Variants in TFEC observed in about 807,000 individuals in gnomAD.
TFEC encodes transcription factor EC.
A neutral mutation model predicts 41.6 loss-of-function variants in TFEC; 31 were observed. The ratio of observed to expected loss-of-function variants is 0.74; its 90% CI spans 0.56 to 1.01. The LOEUF (loss-of-function observed/expected upper bound fraction) is 1.01, where lower values mean the gene tolerates loss of function less well. Among genes scored for constraint, TFEC ranks in the 50% least tolerant of loss-of-function variants. The pLI, the probability that TFEC is intolerant of heterozygous loss-of-function variation, is 0.00. For missense variants in TFEC, 402 were observed against 404.1 expected (o/e 0.99, Z 0.04); for synonymous variants, 143 against 140.6 (o/e 1.02, Z -0.12).
intron 3 of TFEC, among the ~76,000 whole-genome samples, chr7:116,094,875 A>G (rs1019853892): frequency 1.3e-5 from 2 of 152,214 alleles, no homozygotes; most frequent in Non-Finnish European, 2.9e-5. Context: ...CAGCACAGGT[A>G]ACCTTTATGC....
intron 3 of TFEC, chr7:116,110,623 G>A (rs1388042224): frequency 5.1e-6 from 5 of 989,516 alleles, no homozygotes; most frequent in Middle Eastern, 2.4e-4. Flanking sequence ...TCAATTTTTT[G>A]AGTACAATTA....
chr7:115,942,144 T>C, intron 6 of TFEC, 104 bp from the exon 7 acceptor site: 1 of 1,197,582 alleles, frequency 8.4e-7, no homozygotes. Flanking sequence ...TTTACATGAC[T>C]ATTATTCACT....
chr7:116,041,512 T>C (rs547442846), intron 3 of TFEC, among the ~76,000 whole-genome samples: 9 of 152,036 alleles, frequency 5.9e-5, no homozygotes, highest in South Asian at 2.1e-4. Context: ...GGTTAGAAAA[T>C]TGGAAAAGTT....
At chr7:115,943,863 T>C (rs1793636874) in intron 6 of TFEC, among the ~76,000 whole-genome samples, 1 of 151,262 alleles carries the variant, frequency 6.6e-6, no homozygotes, top group Non-Finnish European at 1.5e-5. Flanking sequence ...TACAAATGTA[T>C]AAATTGGAGT....
At chr7:115,983,624 C>T (rs903882740) in intron 2 of TFEC, among the ~76,000 whole-genome samples, 4 of 152,086 alleles carry the variant, frequency 2.6e-5, no homozygotes, top group South Asian at 2.1e-4. Context: ...CAGTTCTATT[C>T]ATACTTCAAC....
chr7:116,024,462 T>C (rs905248810), intron 1 of TFEC, among the ~76,000 whole-genome samples: 4 of 152,144 alleles, frequency 2.6e-5, no homozygotes, highest in South Asian at 4.1e-4. Context: ...CCTTGGGAAA[T>C]TTACCTATCC....
intron 3 of TFEC, among the ~76,000 whole-genome samples, chr7:116,099,205 T>C (rs1193327268): frequency 6.6e-6 from 1 of 152,220 alleles, no homozygotes; most frequent in Non-Finnish European, 1.5e-5. Context: ...AGAGAAAAAC[T>C]GATCAAGTAA....
At chr7:116,001,729 A>T (rs1794604291) in intron 1 of TFEC, among the ~76,000 whole-genome samples, 2 of 152,170 alleles carry the variant, frequency 1.3e-5, no homozygotes, top group Non-Finnish European at 2.9e-5. Flanking sequence ...AATGGGAGAA[A>T]ATATTTGCAA....
At chr7:116,051,162 G>C (rs74779541) in intron 3 of TFEC, among the ~76,000 whole-genome samples, 2,866 of 152,254 alleles carry the variant, frequency 0.019, 88 homozygotes, top group African/African-American at 0.065. Context: ...TTGGGGGAAG[G>C]GGGAGGGATA....
In TFEC at chr7:116,137,338, T is replaced by C. The variant is rs557604462; in HGVS notation, c.-69+22452A>G. On this transcript the variant is annotated intron_variant, in intron 1 of 8. Transcript: ENST00000484212. Reference sequence around the variant, plus strand: ...TTGAGACTTTACAAATGCTTACCAGTGGACTTCTAAATCCTCAAGGGAAAG... The same window carrying C: ...TTGAGACTTTACAAATGCTTACCAGCGGACTTCTAAATCCTCAAGGGAAAG... 5.3e-5 allele frequency among the ~76,000 whole-genome samples: 8 copies of C among 152,282 alleles called. No individual in the cohort carries two copies. In the South Asian group the frequency reaches 1.2e-3, roughly 24 times the overall value.
At chr7:116,096,223 A>G (rs776136381) in intron 3 of TFEC, among the ~76,000 whole-genome samples, 2 of 152,114 alleles carry the variant, frequency 1.3e-5, no homozygotes, top group African/African-American at 2.4e-5. Flanking sequence ...ACACACCCCT[A>G]TAACTACTTG....
intron 1 of TFEC, among the ~76,000 whole-genome samples, chr7:116,012,935 G>A (rs557380333): frequency 6.6e-6 from 1 of 150,878 alleles, no homozygotes; most frequent in Non-Finnish European, 1.5e-5. Context: ...ATCAATTAAT[G>A]AAGTCATTTT....
At chr7:116,046,400 T>C (rs896448742) in intron 3 of TFEC, among the ~76,000 whole-genome samples, 3 of 152,200 alleles carry the variant, frequency 2.0e-5, no homozygotes, top group Admixed American at 2.0e-4. Flanking sequence ...TCTCATGAGA[T>C]CTGATGGGTT....
At chr7:116,127,196 C>T (rs999935250) in intron 1 of TFEC, among the ~76,000 whole-genome samples, 14 of 151,868 alleles carry the variant, frequency 9.2e-5, no homozygotes, top group South Asian at 2.1e-4. Context: ...CCTGGGTTCA[C>T]GCCATTCTCC....
intron 1 of TFEC, among the ~76,000 whole-genome samples, chr7:116,122,280 T>C (rs1434878283): frequency 2.0e-5 from 3 of 152,072 alleles, no homozygotes; most frequent in African/African-American, 7.2e-5. Flanking sequence ...TAAGAACTTG[T>C]TATAAAGTCA....
chr7:116,119,744 T>C (rs1437654370), intron 1 of TFEC, among the ~76,000 whole-genome samples: 1 of 151,850 alleles, frequency 6.6e-6, no homozygotes, highest in Admixed American at 6.6e-5. Flanking sequence ...AATCCAGTTA[T>C]TATATTTTTT....
intron 1 of TFEC, among the ~76,000 whole-genome samples, chr7:115,994,551 T>C (rs1794275972): frequency 6.6e-6 from 1 of 152,168 alleles, no homozygotes; most frequent in Non-Finnish European, 1.5e-5. Context: ...GCAAAGGATA[T>C]GAACAGACAC....
At chr7:116,142,522 A>T (rs987575651) in intron 1 of TFEC, among the ~76,000 whole-genome samples, 1 of 152,174 alleles carries the variant, frequency 6.6e-6, no homozygotes, top group Non-Finnish European at 1.5e-5. Context: ...AACCAATCAG[A>T]TTCCTCCACC....
At position 116,042,797 on chromosome 7, in the gene TFEC, C is replaced by A. The variant is rs745369548; in HGVS notation, c.199-58284G>T. ...CTCCCTCTAAATTCCATTAAGAAAT[C>A]TCTTTAATTCAATGGGGAAATTGCT... On this transcript the variant is annotated intron_variant, in intron 3 of 8. Transcript: ENST00000484212. 2.6e-5 allele frequency among the ~76,000 whole-genome samples: 4 copies of A among 152,228 alleles called. No homozygotes were observed. In the East Asian group the frequency reaches 7.7e-4, roughly 29 times the overall value.
Sources: gnomAD v4.1 joint callset for allele counts (sites outside exome capture counted in the v4.1 genomes callset) on GRCh38, gnomAD v4.1.1 for gene constraint, MANE v1.5 for transcripts, NCBI Gene and HGNC (gene_info 2026-07-23, HGNC 2026-07-21) for gene names.